Variants in GULP1 observed in about 807,000 individuals in gnomAD.
GULP1 encodes the protein PTB domain-containing engulfment adapter protein 1.
In GULP1, 19 loss-of-function variants were observed where a neutral mutation model predicts 40.9. That is an observed-to-expected ratio of 0.46 (90% CI 0.32 to 0.68). The LOEUF (loss-of-function observed/expected upper bound fraction) is 0.68, where lower values mean the gene tolerates loss of function less well. Ranked by LOEUF, GULP1 falls within the 30% of genes least tolerant of loss-of-function variation. The probability of loss-of-function intolerance (pLI) is 0.03; values close to 1 mark genes in which losing one functional copy is unlikely to be tolerated. For synonymous variants in GULP1, 119 were observed against 117.6 expected, an observed-to-expected ratio of 1.01 and a Z score of -0.08; for missense variants, 312 against 362.2, an observed-to-expected ratio of 0.86 and a Z score of 1.12.
intron 4 of GULP1, among the ~76,000 whole-genome samples, chr2:188,522,171 T>A (rs2065853929): frequency 6.6e-6 from 1 of 152,208 alleles, no homozygotes; most frequent in Non-Finnish European, 1.5e-5. Context: ...TAGTTGTATA[T>A]CTTGGCTATT....
intron 4 of GULP1, among the ~76,000 whole-genome samples, chr2:188,488,532 A>G (rs544442188): frequency 6.6e-6 from 1 of 152,174 alleles, no homozygotes; most frequent in East Asian, 1.9e-4. Flanking sequence ...GACACTAGTC[A>G]TTACTATCTC....
chr2:188,485,562 C>T (rs1335563597), intron 4 of GULP1, among the ~76,000 whole-genome samples: 1 of 151,510 alleles, frequency 6.6e-6, no homozygotes, highest in Non-Finnish European at 1.5e-5. Context: ...TAGAATATGC[C>T]ACTTGAAAAC....
At chr2:188,392,496 G>C (rs2050662910) in intron 2 of GULP1, among the ~76,000 whole-genome samples, 1 of 151,608 alleles carries the variant, frequency 6.6e-6, no homozygotes, top group South Asian at 2.1e-4. Flanking sequence ...TCTCTTCTTT[G>C]TTAATCTAGC....
chr2:188,294,982 T>C (rs2034609478), intron 1 of GULP1, among the ~76,000 whole-genome samples: 1 of 152,218 alleles, frequency 6.6e-6, no homozygotes, highest in Admixed American at 6.5e-5. Flanking sequence ...AGCTTTAATT[T>C]AATCATACAT....
At chr2:188,364,029 A>G (rs534038810) in intron 1 of GULP1, among the ~76,000 whole-genome samples, 68 of 152,280 alleles carry the variant, frequency 4.5e-4, no homozygotes, top group African/African-American at 1.4e-3. Flanking sequence ...CAGTGCACTT[A>G]ATGTGTGTTA....
At chr2:188,467,561 T>C (rs1296604658) in intron 2 of GULP1, among the ~76,000 whole-genome samples, 1 of 152,140 alleles carries the variant, frequency 6.6e-6, no homozygotes, top group African/African-American at 2.4e-5. Flanking sequence ...ACTTTATCTT[T>C]GAACTCAGTA....
At chr2:188,404,493 C>T (rs1321034067) in intron 2 of GULP1, among the ~76,000 whole-genome samples, 1 of 152,150 alleles carries the variant, frequency 6.6e-6, no homozygotes, top group Admixed American at 6.5e-5. Flanking sequence ...CGGATCTGAA[C>T]ACTGGGTCCA....
intron 2 of GULP1, among the ~76,000 whole-genome samples, chr2:188,449,421 G>A (rs1166017239): frequency 6.6e-6 from 1 of 151,914 alleles, no homozygotes; most frequent in Non-Finnish European, 1.5e-5. Context: ...TGCAGCTTTG[G>A]CCTGCAACCC....
chr2:188,522,715 G>T, intron 4 of GULP1, 41 bp from the exon 5 acceptor site: 1 of 1,243,976 alleles, frequency 8.0e-7, no homozygotes, highest in Non-Finnish European at 1.2e-6. Flanking sequence ...AATGATATAT[G>T]ATATGGTAAA....
intron 2 of GULP1, among the ~76,000 whole-genome samples, chr2:188,389,874 G>A (rs937992653): frequency 8.6e-5 from 13 of 151,648 alleles, no homozygotes; most frequent in Non-Finnish European, 1.8e-4. Flanking sequence ...TGTGGGATTT[G>A]TTTCTTTTAT....
At chr2:188,567,713 T>C (rs935474233) in intron 7 of GULP1, among the ~76,000 whole-genome samples, 1 of 152,174 alleles carries the variant, frequency 6.6e-6, no homozygotes, top group Non-Finnish European at 1.5e-5. Flanking sequence ...ACACGTATAC[T>C]GTATAACTAA....
intron 3 of GULP1, among the ~76,000 whole-genome samples, chr2:188,479,156 C>CT (rs1398281122): frequency 6.6e-6 from 1 of 151,972 alleles, no homozygotes; most frequent in Non-Finnish European, 1.5e-5. Context: ...AAATTACTAG[C>CT]TTTTTTTGGT....
At chr2:188,582,136 A>T (rs968150971) in intron 9 of GULP1, among the ~76,000 whole-genome samples, 1 of 152,196 alleles carries the variant, frequency 6.6e-6, no homozygotes, top group African/African-American at 2.4e-5. Context: ...AGTAAAAAAA[A>T]GATCAAATTA....
chr2:188,326,986 A>G (rs1196461737), intron 1 of GULP1, among the ~76,000 whole-genome samples: 1 of 152,102 alleles, frequency 6.6e-6, no homozygotes, highest in African/African-American at 2.4e-5. Flanking sequence ...GCTAACTAAA[A>G]TGGGTCGAGG....
intron 2 of GULP1, among the ~76,000 whole-genome samples, chr2:188,391,124 T>A (rs1404380911): frequency 6.6e-6 from 1 of 152,048 alleles, no homozygotes; most frequent in Non-Finnish European, 1.5e-5. Context: ...ATTTCAGGAT[T>A]TTTTTTCTAA....
At chr2:188,393,096 G>A (rs13389155) in intron 2 of GULP1, among the ~76,000 whole-genome samples, 32,474 of 151,648 alleles carry the variant, frequency 0.21, 3,639 homozygotes, top group African/African-American at 0.27. Context: ...TGTTAGGTCA[G>A]TTTGTTCTAG....
chr2:188,569,824 A>G (rs1285834999), intron 8 of GULP1, among the ~76,000 whole-genome samples: 1 of 152,184 alleles, frequency 6.6e-6, no homozygotes, highest in Non-Finnish European at 1.5e-5. Flanking sequence ...AAATTTGCAC[A>G]CACATAAAAA....
chr2:188,518,997 A>G (rs1368746716), intron 4 of GULP1, among the ~76,000 whole-genome samples: 6 of 152,190 alleles, frequency 3.9e-5, no homozygotes, highest in Non-Finnish European at 8.8e-5. Context: ...AGATAGGTGT[A>G]AGAAATGCAC....
intron 2 of GULP1, among the ~76,000 whole-genome samples, chr2:188,443,284 G>C (rs1161341550): frequency 6.6e-6 from 1 of 152,092 alleles, no homozygotes; most frequent in Non-Finnish European, 1.5e-5. Context: ...TGTGCTTCTA[G>C]TTTCACATAA....
Sources: gnomAD v4.1 joint callset for allele counts (sites outside exome capture counted in the v4.1 genomes callset) on GRCh38, gnomAD v4.1.1 for gene constraint, MANE v1.5 for transcripts, NCBI Gene and HGNC (gene_info 2026-07-23, HGNC 2026-07-21) for gene names.